The following PEX13 variants were observed in gnomAD, a reference collection of about 807,000 sequenced individuals.
PEX13 encodes peroxisomal biogenesis factor 13, also known as peroxisome biogenesis factor 13.
PEX13 carries 28 observed loss-of-function variants against 34.5 expected under a neutral mutation model. The observed-to-expected ratio is 0.81, with a 90% CI of 0.60 to 1.11. PEX13 has a LOEUF of 1.11. Among genes scored for constraint, PEX13 ranks in the 50% most tolerant of loss-of-function variants. PEX13 has a pLI of 0.00. For missense variants in PEX13, 550 were observed against 491.0 expected (o/e 1.12, Z -1.13); for synonymous variants, 177 against 175.1 (o/e 1.01, Z -0.09).
intron 1 of PEX13, among the ~76,000 whole-genome samples, chr2:61,025,016 C>T (rs928021021): frequency 6.6e-6 from 1 of 152,090 alleles, no homozygotes; most frequent in African/African-American, 2.4e-5. Context: ...TATAATAACT[C>T]TATTATCTAG....
chr2:61,033,124 A>T (rs1680479570), intron 2 of PEX13, among the ~76,000 whole-genome samples: 1 of 152,220 alleles, frequency 6.6e-6, no homozygotes, highest in Non-Finnish European at 1.5e-5. Context: ...AGTAGAAGTC[A>T]GCACGTTGTA....
intron 3 of PEX13, among the ~76,000 whole-genome samples, chr2:61,047,978 A>G (rs1680730359): frequency 6.6e-6 from 1 of 152,208 alleles, no homozygotes; most frequent in Admixed American, 6.5e-5. Flanking sequence ...TTGGATTGAA[A>G]TTAATATTTA....
intron 2 of PEX13, among the ~76,000 whole-genome samples, chr2:61,038,459 A>G (rs1038101586): frequency 6.6e-6 from 1 of 152,254 alleles, no homozygotes; most frequent in African/African-American, 2.4e-5. Context: ...ACATTCGCAA[A>G]TCAATAAATG....
intron 2 of PEX13, among the ~76,000 whole-genome samples, chr2:61,033,355 A>G (rs1680483814): frequency 6.6e-6 from 1 of 152,188 alleles, no homozygotes; most frequent in African/African-American, 2.4e-5. Flanking sequence ...GTAGTTACTG[A>G]CTAAATGAGG....
intron 1 of PEX13, among the ~76,000 whole-genome samples, chr2:61,021,477 A>G (rs1278186231): frequency 1.3e-5 from 2 of 152,152 alleles, no homozygotes. Context: ...AGGGGAATCC[A>G]CCATTGCTGA....
chr2:61,032,889 A>G (rs2104804275), intron 2 of PEX13, among the ~76,000 whole-genome samples: 1 of 152,328 alleles, frequency 6.6e-6, no homozygotes, highest in Non-Finnish European at 1.5e-5. Context: ...AGAAAATATG[A>G]GATTTATTTG....
chr2:61,030,086 G>C (rs1399874304), intron 1 of PEX13, among the ~76,000 whole-genome samples: 1 of 152,150 alleles, frequency 6.6e-6, no homozygotes, highest in Non-Finnish European at 1.5e-5. Flanking sequence ...CAGATACCAA[G>C]GGCTGCCTGT....
At chr2:61,020,681 G>C (rs1167411279) in intron 1 of PEX13, among the ~76,000 whole-genome samples, 2 of 151,894 alleles carry the variant, frequency 1.3e-5, no homozygotes, top group Admixed American at 1.3e-4. Context: ...TTGAGATGGA[G>C]TCTCACTGTG....
Position 61,036,391 on chromosome 2 carries a change from A to T in PEX13, c.787+4278A>T, listed in dbSNP as rs1184136750. 2.0e-5 allele frequency among the ~76,000 whole-genome samples: 3 copies of T among 152,324 alleles called. No homozygotes were observed. In the East Asian group the frequency reaches 5.8e-4, roughly 29 times the overall value. On this transcript the variant is annotated intron_variant, in intron 2 of 3. Transcript: ENST00000295030. ...AAGAGCAGCCAGAGAGAAAGGCCGG[A>T]TTACCCACAAAGGGAAGCCCATCAG...
At chr2:61,044,105 A>G (rs1299896522) in intron 2 of PEX13, among the ~76,000 whole-genome samples, 1 of 151,908 alleles carries the variant, frequency 6.6e-6, no homozygotes, top group Non-Finnish European at 1.5e-5. Context: ...ACACACCACC[A>G]CACCTGGCCA....
At chr2:61,044,246 C>T (rs544779774) in intron 2 of PEX13, among the ~76,000 whole-genome samples, 1 of 152,078 alleles carries the variant, frequency 6.6e-6, no homozygotes, top group Admixed American at 6.6e-5. Flanking sequence ...CCACCATGTC[C>T]AGCCCAGACT....
At chr2:61,018,477 T>G (rs1183042216) in intron 1 of PEX13, 2 of 678,708 alleles carry the variant, frequency 2.9e-6, no homozygotes, top group East Asian at 6.2e-5. Flanking sequence ...GTATTTTTTT[T>G]TTGTTTGGTT....
At chr2:61,039,912 A>T (rs566193143) in intron 2 of PEX13, among the ~76,000 whole-genome samples, 10 of 152,356 alleles carry the variant, frequency 6.6e-5, no homozygotes, top group African/African-American at 2.4e-4. Context: ...AAACAACCCC[A>T]TCAAAAAGTA....
chr2:61,039,528 C>G (rs369590902), intron 2 of PEX13, among the ~76,000 whole-genome samples: 1 of 152,114 alleles, frequency 6.6e-6, no homozygotes, highest in Admixed American at 6.6e-5. Flanking sequence ...GCTGGAAAAA[C>G]TGGCTAGCCA....
intron 1 of PEX13, among the ~76,000 whole-genome samples, chr2:61,024,567 T>C (rs1226527244): frequency 2.0e-5 from 3 of 152,196 alleles, no homozygotes; most frequent in Non-Finnish European, 4.4e-5. Context: ...CCCAGCACTT[T>C]GGGAGGCCGA....
At chr2:61,040,920 A>G (rs1680616509) in intron 2 of PEX13, among the ~76,000 whole-genome samples, 1 of 151,580 alleles carries the variant, frequency 6.6e-6, no homozygotes, top group African/African-American at 2.4e-5. Flanking sequence ...TTTTAGGTAG[A>G]GCTAGGGCAG....
chr2:61,047,211 A>G (rs1680716883), intron 3 of PEX13, among the ~76,000 whole-genome samples: 1 of 151,664 alleles, frequency 6.6e-6, no homozygotes, highest in Non-Finnish European at 1.5e-5. Flanking sequence ...GCTCGAGTGC[A>G]GTGGCACGAT....
intron 2 of PEX13, among the ~76,000 whole-genome samples, chr2:61,032,789 A>AT: frequency 6.6e-6 from 1 of 152,350 alleles, no homozygotes; most frequent in East Asian, 1.9e-4. Flanking sequence ...TCTAAGTTAG[A>AT]TTTTTGAAAG....
In PEX13 at chr2:61,048,661, A is replaced by G. The variant is rs1680749428; in HGVS notation, c.1103A>G (p.Asp368Gly). Reference protein sequence around the residue: ...PTLTKGATVADSLDEQEAAFE... With the variant: ...PTLTKGATVAGSLDEQEAAFE... ...CTAACTAAAGGAGCCACGGTTGCTG[A>G]TTCTTTGGATGAACAGGAAGCTGCC... Residue 368 changes from aspartate to glycine, a missense_variant, in exon 4 of 4, where the codon GAT becomes GGT. Physicochemically the swap from Asp to Gly is moderately conservative, Grantham distance 94 (BLOSUM62 -1). Coordinates refer to ENST00000295030, the MANE Select transcript of PEX13 (RefSeq NM_002618.4). 3 of 1,613,880 alleles carry G rather than the reference A, an allele frequency of 1.9e-6. No homozygotes were observed. The highest frequency in any genetic ancestry group is 2.5e-6 in the Non-Finnish European group (3 of 1,179,854).
Sources: gnomAD v4.1 joint callset for allele counts (sites outside exome capture counted in the v4.1 genomes callset) on GRCh38, gnomAD v4.1.1 for gene constraint, MANE v1.5 for transcripts, NCBI Gene and HGNC (gene_info 2026-07-23, HGNC 2026-07-21) for gene names.